The following NAA25 variants were observed in gnomAD, a reference collection of about 807,000 sequenced individuals.
The protein encoded by NAA25 is N-alpha-acetyltransferase 25, NatB auxiliary subunit, also known as N-terminal acetyltransferase B complex subunit NAA25.
In NAA25, 30 loss-of-function variants were observed where a neutral mutation model predicts 132.5. That is an observed-to-expected ratio of 0.23 (90% confidence interval 0.17 to 0.31). NAA25 has a LOEUF of 0.31. Ranked by LOEUF, NAA25 falls within the 10% of genes least tolerant of loss-of-function variation. The pLI is 1.00. For missense variants in NAA25, 771 were observed against 1,150.4 expected, an observed-to-expected ratio of 0.67 and a Z score of 4.77; for synonymous variants, 359 against 401.9, an observed-to-expected ratio of 0.89 and a Z score of 1.28.
chr12:112,030,210 CAA>C (rs67757055), intron 23 of NAA25, among the ~76,000 whole-genome samples: 3,186 of 53,174 alleles, frequency 0.06, 175 homozygotes, highest in East Asian at 0.5. Context: ...AAAGCTGTCT[CAA>C]AAAAAAAAAA....
chr12:112,107,170 G>C (rs867983269), intron 1 of NAA25, among the ~76,000 whole-genome samples: 3 of 152,064 alleles, frequency 2.0e-5, no homozygotes, highest in South Asian at 4.1e-4. Context: ...TGAGGCAGGA[G>C]AATCGCTTGA....
chr12:112,054,641 C>T (rs2078516964), intron 13 of NAA25, 73 bp from the exon 14 acceptor site: 1 of 1,379,778 alleles, frequency 7.2e-7, no homozygotes, highest in African/African-American at 1.4e-5. Context: ...AAAAACAAAA[C>T]CTTATTGACA....
intron 10 of NAA25, among the ~76,000 whole-genome samples, chr12:112,069,447 G>A (rs1270654318): frequency 1.3e-5 from 2 of 152,160 alleles, no homozygotes; most frequent in African/African-American, 4.8e-5. Flanking sequence ...ATGTTGCAGT[G>A]AGCCAAGATC....
At position 112,029,406 on chromosome 12, in the gene NAA25, A is replaced by G; in HGVS notation, c.*125T>C. 4 of 1,357,832 alleles carry G rather than the reference A, an allele frequency of 2.9e-6. No homozygotes were observed. Among genetic ancestry groups the G allele is most frequent in the Non-Finnish European group, 4.1e-6 (4 of 987,266 alleles). The allele number at this position is 1,357,832 out of a possible 1,614,324, so 84.1% of individuals were successfully genotyped here. ...AACACCTAAAAAAATTCACGATCAA[A>G]GTCCTTCATGCATTTTATGAGGAAG... On this transcript the variant is annotated 3_prime_UTR_variant, in exon 24 of 24. Coordinates refer to ENST00000261745, the MANE Select transcript of NAA25 (RefSeq NM_024953.4).
chr12:112,086,432 T>C (rs1185526036), intron 4 of NAA25, among the ~76,000 whole-genome samples: 1 of 151,454 alleles, frequency 6.6e-6, no homozygotes, highest in Non-Finnish European at 1.5e-5. Flanking sequence ...GGAGGCCAGG[T>C]TGCAGTGAGC....
At chr12:112,087,323 TTTAAAG>T (rs2079071791) in intron 4 of NAA25, among the ~76,000 whole-genome samples, 1 of 152,240 alleles carries the variant, frequency 6.6e-6, no homozygotes, top group African/African-American at 2.4e-5. Context: ...AGATGTAAAC[TTTAAAG>T]TTACTCTTTC....
chr12:112,061,159 C>T, intron 12 of NAA25, 22 bp downstream of exon 12: 3 of 1,548,456 alleles, frequency 1.9e-6, no homozygotes, highest in Non-Finnish European at 2.6e-6. Context: ...GGAACTACTG[C>T]ACATTTTGAA....
At chr12:112,071,828 A>ATTATCGC in intron 10 of NAA25, 67 bp downstream of exon 10, 1 of 1,106,786 alleles carries the variant, frequency 9.0e-7, no homozygotes, top group Non-Finnish European at 1.2e-6. Context: ...GTAGATCTCA[A>ATTATCGC]CTAATGAATA....
intron 11 of NAA25, among the ~76,000 whole-genome samples, chr12:112,062,400 C>CAA (rs750872314): frequency 7.1e-5 from 6 of 84,370 alleles, no homozygotes; most frequent in South Asian, 3.9e-4. Flanking sequence ...GACTCCATCT[C>CAA]AAAAAAAAAA....
rs2078325557 is a variant in NAA25 at position 112,043,089 on chromosome 12, T to C, written c.2373A>G (p.Leu791=). The part of the protein sequence containing the change: ...NDIYELDTSG[L]EDTMEIQERI... ...TATAAACACACAGTGTACACTTACC[T>C]AAACCACTGGTATCCAGCTCATAAA... Residue 791 remains leucine, a splice_region_variant and synonymous_variant, in exon 19 of 24, where the codon TTA becomes TTG. Coordinates refer to ENST00000261745, the MANE Select transcript of NAA25 (RefSeq NM_024953.4). 3 of 1,608,988 alleles carry C rather than the reference T, an allele frequency of 1.9e-6. No homozygotes were observed. The African/African-American group carries it at 4.0e-5, about 22-fold the overall frequency.
intron 1 of NAA25, among the ~76,000 whole-genome samples, chr12:112,107,044 T>A (rs1179998885): frequency 1.4e-5 from 2 of 145,150 alleles, no homozygotes. Flanking sequence ...GGAGGCTGAG[T>A]AGGTCAAGAG....
At chr12:112,086,401 C>A (rs1272039285) in intron 4 of NAA25, among the ~76,000 whole-genome samples, 1 of 151,684 alleles carries the variant, frequency 6.6e-6, no homozygotes, top group East Asian at 1.9e-4. Flanking sequence ...GAGGCTGAGG[C>A]AGGAGAATCG....
intron 1 of NAA25, 88 bp downstream of exon 1, chr12:112,108,628 G>T (rs932811882): frequency 2.5e-6 from 3 of 1,223,828 alleles, no homozygotes; most frequent in African/African-American, 3.1e-5. Flanking sequence ...CCGCGCGCCG[G>T]CCCTCAGCAC....
At chr12:112,048,102 T>A (rs991987825) in intron 16 of NAA25, among the ~76,000 whole-genome samples, 190 bp downstream of exon 16, 3 of 152,232 alleles carry the variant, frequency 2.0e-5, no homozygotes. Context: ...TCTGTAATGG[T>A]CTCAAGATGT....
chr12:112,094,740 A>C (rs1023137773), intron 1 of NAA25, among the ~76,000 whole-genome samples: 1 of 151,950 alleles, frequency 6.6e-6, no homozygotes, highest in African/African-American at 2.4e-5. Flanking sequence ...ACTCACTGCA[A>C]CCTCTGCCTC....
At chr12:112,083,196 G>A (rs1391274476) in intron 4 of NAA25, among the ~76,000 whole-genome samples, 1 of 152,168 alleles carries the variant, frequency 6.6e-6, no homozygotes, top group Non-Finnish European at 1.5e-5. Flanking sequence ...AGATACAGCA[G>A]AGGCTGGGCA....
intron 7 of NAA25, among the ~76,000 whole-genome samples, chr12:112,076,202 T>C (rs1174848513): frequency 6.6e-6 from 1 of 152,136 alleles, no homozygotes; most frequent in East Asian, 1.9e-4. Flanking sequence ...CATTTTCTTA[T>C]TCACTCTCTT....
intron 1 of NAA25, 75 bp downstream of exon 1, chr12:112,108,641 C>G: frequency 7.4e-7 from 1 of 1,345,308 alleles, no homozygotes; most frequent in Non-Finnish European, 9.6e-7. Context: ...CTCAGCACCC[C>G]TCCTGGGCTT....
chr12:112,075,664 A>C lies in NAA25; in HGVS notation c.776+14T>G. ...CACTACAGTCAAATGGTACAAAAGA[A>C]AGCTTTTACTCACTTTTTTAGTAAG... is the stretch of plus-strand genomic sequence containing the variant. On this transcript the variant is annotated intron_variant, in intron 8 of 23. Transcript: ENST00000261745. The C allele has an allele frequency of 3.1e-6, 5 of 1,604,216 alleles. No homozygotes were observed. The highest frequency in any genetic ancestry group is 4.3e-6 in the Non-Finnish European group (5 of 1,171,200).
Sources: allele counts gnomAD v4.1 joint callset (sites outside exome capture counted in the v4.1 genomes callset), GRCh38; gene constraint gnomAD v4.1.1; transcripts MANE v1.5; gene names NCBI Gene and HGNC (gene_info 2026-07-23, HGNC 2026-07-21).